Variants in PLCB1 observed in about 807,000 individuals in gnomAD.
The protein encoded by PLCB1 is 1-phosphatidylinositol 4,5-bisphosphate phosphodiesterase beta-1.
In PLCB1, 46 loss-of-function variants were observed where a neutral mutation model predicts 161.8. The observed-to-expected ratio is 0.28, with a 90% CI of 0.22 to 0.36. PLCB1 has a LOEUF of 0.36. PLCB1 is among the 10% of genes least tolerant of loss of function. The pLI, the probability that PLCB1 is intolerant of heterozygous loss-of-function variation, is 1.00. For missense variants in PLCB1, 1,016 were observed against 1,472.5 expected (o/e 0.69, Z 5.07); for synonymous variants, 517 against 503.7 (o/e 1.03, Z -0.35).
At chr20:8,837,841 A>G (rs1013010435) in intron 31 of PLCB1, among the ~76,000 whole-genome samples, 3 of 152,094 alleles carry the variant, frequency 2.0e-5, no homozygotes, top group Non-Finnish European at 4.4e-5. Context: ...ATGTAATGGG[A>G]ATAATTGGAT....
At chr20:8,286,481 A>G (rs1983128929) in intron 2 of PLCB1, among the ~76,000 whole-genome samples, 2 of 152,262 alleles carry the variant, frequency 1.3e-5, no homozygotes, top group Admixed American at 6.5e-5. Flanking sequence ...TTACTATTTC[A>G]TCATAGAAGC....
At chr20:8,720,660 A>G (rs1288468757) in intron 14 of PLCB1, among the ~76,000 whole-genome samples, 1 of 152,144 alleles carries the variant, frequency 6.6e-6, no homozygotes, top group Non-Finnish European at 1.5e-5. Flanking sequence ...AAAGATTTAC[A>G]GGAGAAAAAT....
At chr20:8,530,212 A>G (rs575345469) in intron 3 of PLCB1, among the ~76,000 whole-genome samples, 1 of 151,950 alleles carries the variant, frequency 6.6e-6, no homozygotes, top group Non-Finnish European at 1.5e-5. Flanking sequence ...ATTTTTTCTT[A>G]TTGACTCATA....
At chr20:8,545,917 A>G (rs1186277764) in intron 3 of PLCB1, among the ~76,000 whole-genome samples, 1 of 152,242 alleles carries the variant, frequency 6.6e-6, no homozygotes, top group Non-Finnish European at 1.5e-5. Flanking sequence ...GCTAAAGAGA[A>G]GTAACTTGCT....
At chr20:8,533,562 G>T (rs1219351197) in intron 3 of PLCB1, among the ~76,000 whole-genome samples, 1 of 151,844 alleles carries the variant, frequency 6.6e-6, no homozygotes, top group African/African-American at 2.4e-5. Flanking sequence ...CATTCTAACT[G>T]GTGTGAGATG....
At chr20:8,215,224 C>A (rs1277351790) in intron 2 of PLCB1, among the ~76,000 whole-genome samples, 1 of 151,958 alleles carries the variant, frequency 6.6e-6, no homozygotes, top group Non-Finnish European at 1.5e-5. Context: ...AAAAGCCAAC[C>A]CATAAGCACC....
At chr20:8,624,126 C>T (rs1988263830) in intron 3 of PLCB1, among the ~76,000 whole-genome samples, 1 of 152,186 alleles carries the variant, frequency 6.6e-6, no homozygotes, top group Non-Finnish European at 1.5e-5. Context: ...AGCTGAATCA[C>T]ACGAATCTCA....
chr20:8,225,096 A>ATGC (rs1979614701), intron 2 of PLCB1, among the ~76,000 whole-genome samples: 1 of 152,176 alleles, frequency 6.6e-6, no homozygotes, highest in African/African-American at 2.4e-5. Flanking sequence ...CCCCAAGGCA[A>ATGC]TGGATTATTT....
intron 3 of PLCB1, among the ~76,000 whole-genome samples, chr20:8,404,103 A>G (rs1047601434): frequency 6.6e-6 from 1 of 152,176 alleles, no homozygotes; most frequent in African/African-American, 2.4e-5. Context: ...ATTTTATAGC[A>G]ATTAAGATGA....
chr20:8,458,363 A>G (rs147817869), intron 3 of PLCB1, among the ~76,000 whole-genome samples: 2 of 152,334 alleles, frequency 1.3e-5, no homozygotes, highest in East Asian at 3.9e-4. Flanking sequence ...GAATGAGTAC[A>G]TGAATATTTC....
chr20:8,870,084 A>T (rs1344705070), intron 31 of PLCB1, among the ~76,000 whole-genome samples: 2 of 152,210 alleles, frequency 1.3e-5, no homozygotes, highest in Non-Finnish European at 2.9e-5. Flanking sequence ...GGAATGGAGA[A>T]ATAGACTCCT....
rs193198739 is a variant in PLCB1, at chr20:8,181,111, C to T, written c.177+30740C>T. Among the ~76,000 whole-genome samples the T allele has an allele frequency of 3.6e-3, 544 of 151,602 alleles. 2 individuals are homozygous for T. Among genetic ancestry groups the T allele is most frequent in the African/African-American group, 0.012 (516 of 41,370 alleles). On this transcript the variant is annotated intron_variant, in intron 2 of 31. Coordinates refer to ENST00000338037, the MANE Select transcript of PLCB1 (RefSeq NM_015192.4). ...ACTAAAAATACAAAAATTAGCCAGG[C>T]GTGGTGGCATGCCTGTAATCCCAGC...
intron 2 of PLCB1, among the ~76,000 whole-genome samples, chr20:8,151,230 T>C (rs888180471): frequency 1.3e-5 from 2 of 152,172 alleles, no homozygotes; most frequent in African/African-American, 2.4e-5. Flanking sequence ...TAGTATACCA[T>C]TAAAACAGCT....
intron 31 of PLCB1, among the ~76,000 whole-genome samples, chr20:8,796,800 T>A (rs922707345): frequency 6.6e-6 from 1 of 152,218 alleles, no homozygotes; most frequent in African/African-American, 2.4e-5. Flanking sequence ...TTTTGAAATT[T>A]AATCTAATAG....
At chr20:8,555,368 C>A (rs1568506042) in intron 3 of PLCB1, among the ~76,000 whole-genome samples, 1 of 151,774 alleles carries the variant, frequency 6.6e-6, no homozygotes, top group African/African-American at 2.4e-5. Context: ...TACACACTCT[C>A]CACCTACACT....
At chr20:8,743,099 T>A (rs1980967492) in intron 23 of PLCB1, among the ~76,000 whole-genome samples, 1 of 152,216 alleles carries the variant, frequency 6.6e-6, no homozygotes, top group African/African-American at 2.4e-5. Flanking sequence ...ATAACAGTGG[T>A]GAAAGTGAGC....
At chr20:8,664,733 C>T (rs1031976205) in intron 9 of PLCB1, among the ~76,000 whole-genome samples, 2 of 152,082 alleles carry the variant, frequency 1.3e-5, no homozygotes, top group South Asian at 2.1e-4. Context: ...GTCATGTTAT[C>T]GATAATTGTC....
chr20:8,861,115 C>A lies in PLCB1; in HGVS notation c.3424-20507C>A, dbSNP rs548843758. The stretch of plus-strand genomic sequence containing the variant: ...GAAAACCAAATCACCAGTTTTCTTT[C>A]TGATTATATTTTAATCTAAAAGGCT... On this transcript the variant is annotated intron_variant, in intron 31 of 31. Transcript: ENST00000338037. 8.5e-5 allele frequency among the ~76,000 whole-genome samples: 13 copies of A among 152,212 alleles called. 1 individual carries two copies. The highest frequency in any genetic ancestry group is 2.6e-4 in the African/African-American group (11 of 41,514).
In PLCB1 at chr20:8,716,337, GA is replaced by G; in HGVS notation, c.1329del (p.Lys443AsnfsTer16). 6.2e-7 allele frequency: 1 copy of G among 1,612,832 alleles called. No individual in the cohort carries two copies. Among genetic ancestry groups the G allele is most frequent in the Non-Finnish European group, 8.5e-7 (1 of 1,178,858 alleles). On this transcript the variant is annotated frameshift_variant, in exon 13 of 32. Transcript: ENST00000338037. LOFTEE classifies it high-confidence loss of function. The stretch of plus-strand genomic sequence containing the variant: ...GGATGCCCTTCTCATGGAGCCCCTG[GA>G]AAAATATCCAGTAAGCAGTTCTGAT... ...FGDALLMEPL[E>X]KYPLESGVPL...
Sources: gnomAD v4.1 joint callset for allele counts (sites outside exome capture counted in the v4.1 genomes callset) on GRCh38, gnomAD v4.1.1 for gene constraint, MANE v1.5 for transcripts, NCBI Gene and HGNC (gene_info 2026-07-23, HGNC 2026-07-21) for gene names.